The following WASHC2A variants were observed in gnomAD, a reference collection of about 807,000 sequenced individuals.
WASHC2A encodes the protein WASH complex subunit 2A, also known as WASH complex subunit FAM21A.
In WASHC2A, 82 loss-of-function variants were observed where a neutral mutation model predicts 140.3. That is an observed-to-expected ratio of 0.58 (90% CI 0.49 to 0.70). WASHC2A has a LOEUF of 0.70. Among genes scored for constraint, WASHC2A ranks in the 30% least tolerant of loss-of-function variants. WASHC2A has a pLI of 0.00. For missense variants in WASHC2A, 985 were observed against 1,521.8 expected, an observed-to-expected ratio of 0.65 and a Z score of 5.87; for synonymous variants, 340 against 560.8, an observed-to-expected ratio of 0.61 and a Z score of 5.56.
chr10:50,131,088 G>T lies in WASHC2A; in HGVS notation c.3886+10G>T. 1 of 1,611,904 alleles carries T rather than the reference G, an allele frequency of 6.2e-7. No homozygotes were observed. Among genetic ancestry groups the T allele is most frequent in the Non-Finnish European group, 8.5e-7 (1 of 1,179,828 alleles). The stretch of plus-strand genomic sequence containing the variant: ...TTTGATGATGATATGGGTAAGTTTG[G>T]TTTTCTACATCTGACCTAGAGAATT... On this transcript the variant is annotated intron_variant, in intron 30 of 30. Coordinates refer to ENST00000282633, the MANE Select transcript of WASHC2A (RefSeq NM_001005751.3).
intron 3 of WASHC2A, among the ~76,000 whole-genome samples, chr10:50,070,535 A>G (rs576617336): frequency 6.6e-6 from 1 of 151,984 alleles, no homozygotes; most frequent in South Asian, 2.1e-4. Flanking sequence ...TAAAAAGCCC[A>G]AGATTTAGAA....
chr10:50,131,374 A>T (rs1843949091), intron 30 of WASHC2A, among the ~76,000 whole-genome samples: 2 of 152,226 alleles, frequency 1.3e-5, no homozygotes, highest in African/African-American at 4.8e-5. Flanking sequence ...CCCCGGTGTT[A>T]TGAAAGGAGG....
In WASHC2A at chr10:50,119,783, A is replaced by G; in HGVS notation, c.2478+14A>G. Reference sequence around the variant, plus strand: ...GAAGTAGGAAAGGTAAGCAAAAAGCAATAGTGGTTCAAGTCTCTGGATGAG... The same window carrying G: ...GAAGTAGGAAAGGTAAGCAAAAAGCGATAGTGGTTCAAGTCTCTGGATGAG... On this transcript the variant is annotated intron_variant, in intron 23 of 30. Coordinates refer to ENST00000282633, the MANE Select transcript of WASHC2A (RefSeq NM_001005751.3). 1 of 1,607,728 alleles carries G rather than the reference A, an allele frequency of 6.2e-7. No individual in the cohort carries two copies. The highest frequency in any genetic ancestry group is 8.5e-7 in the Non-Finnish European group (1 of 1,179,802).
At chr10:50,108,905 A>G (rs1842020776) in intron 19 of WASHC2A, among the ~76,000 whole-genome samples, 1 of 151,172 alleles carries the variant, frequency 6.6e-6, no homozygotes, top group Non-Finnish European at 1.5e-5. Context: ...AAAAAAAAAA[A>G]AAAAAAAGAA....
In WASHC2A at chr10:50,127,288, A is replaced by G. The variant is rs1054368434; in HGVS notation, c.2874+66A>G. The G allele has an allele frequency of 6.0e-5, 97 of 1,611,598 alleles. No homozygotes were observed. In the African/African-American group the frequency reaches 1.2e-3, roughly 20 times the overall value. On this transcript the variant is annotated intron_variant, in intron 27 of 30. Transcript: ENST00000282633. ...ATCTATAAACTTTTTTGGGTTTCCT[A>G]CTTTTGTCAGCTGCTGCCAAGCATC...
rs1327150913 is a variant in WASHC2A at position 50,102,502 on chromosome 10, G to T, written c.1636-1540G>T. 1.9e-4 allele frequency among the ~76,000 whole-genome samples: 29 copies of T among 152,150 alleles called. No homozygotes were observed. In the East Asian group the frequency reaches 5.2e-3, roughly 27 times the overall value. On this transcript the variant is annotated intron_variant, in intron 17 of 30. Coordinates refer to ENST00000282633, the MANE Select transcript of WASHC2A (RefSeq NM_001005751.3). The stretch of plus-strand genomic sequence containing the variant: ...CCTTTCTCTTGCCATTGTGTAACAT[G>T]CAGGAGGGACACGGGATGCCTGGAA...
At chr10:50,076,554 A>G (rs550688641) in intron 3 of WASHC2A, among the ~76,000 whole-genome samples, 16 of 152,368 alleles carry the variant, frequency 1.1e-4, no homozygotes, top group Non-Finnish European at 2.2e-4. Context: ...GGTAAGGGGC[A>G]CTTGAGTATG....
intron 3 of WASHC2A, among the ~76,000 whole-genome samples, chr10:50,072,788 T>A (rs1173349422): frequency 6.6e-6 from 1 of 152,064 alleles, no homozygotes; most frequent in African/African-American, 2.4e-5. Flanking sequence ...TACCCGGCAA[T>A]CTGGCTTTTT....
At chr10:50,099,843 G>A (rs1412756681) in intron 16 of WASHC2A, 135 bp from the exon 17 acceptor site, 6 of 714,642 alleles carry the variant, frequency 8.4e-6, no homozygotes, top group African/African-American at 7.7e-5. Context: ...TCAGCTTGCT[G>A]CCTATCACAG....
At chr10:50,095,345 G>T in intron 14 of WASHC2A, 138 bp downstream of exon 14, 1 of 931,294 alleles carries the variant, frequency 1.1e-6, no homozygotes, top group Non-Finnish European at 1.6e-6. Flanking sequence ...CTTATAGAAA[G>T]AGCTCATTTA....
In WASHC2A at chr10:50,133,009, A is replaced by G. The variant is rs1213952358; in HGVS notation, c.*64A>G. 3.1e-6 allele frequency: 5 copies of G among 1,611,496 alleles called. No individual in the cohort carries two copies. The highest frequency in any genetic ancestry group is 4.2e-6 in the Non-Finnish European group (5 of 1,179,454). On this transcript the variant is annotated 3_prime_UTR_variant, in exon 31 of 31. Transcript: ENST00000282633. ...TGTTGAGTTAGTGATGATGTTGTATATGCTGATGGTCTTAACTGGATTACA... is the reference window on the plus strand; with the variant it reads ...TGTTGAGTTAGTGATGATGTTGTATGTGCTGATGGTCTTAACTGGATTACA...
rs1176919724 is a variant in WASHC2A, at chr10:50,079,880, G to T, written c.355-878G>T. On this transcript the variant is annotated intron_variant, in intron 4 of 30. Coordinates refer to ENST00000282633, the MANE Select transcript of WASHC2A (RefSeq NM_001005751.3). ...AGTACAATATTAGCTATTTAACTCA[G>T]AATCAAGCATATCCAAATAGAAAAA... Among the ~76,000 whole-genome samples the T allele has an allele frequency of 5.3e-5, 8 of 151,508 alleles. No individual in the cohort carries two copies. The South Asian group carries it at 1.7e-3, about 32-fold the overall frequency.
chr10:50,111,725 C>T (rs1162433005), intron 20 of WASHC2A, among the ~76,000 whole-genome samples: 2 of 152,202 alleles, frequency 1.3e-5, no homozygotes, highest in Admixed American at 1.3e-4. Context: ...AAGTGTAAGT[C>T]TTGTTTCATA....
At chr10:50,078,834 T>C in intron 4 of WASHC2A, 97 bp downstream of exon 4, 3 of 1,611,052 alleles carry the variant, frequency 1.9e-6, no homozygotes, top group African/African-American at 2.7e-5. Context: ...GTGGGCGGGG[T>C]TGGGAAAGGG....
chr10:50,087,203 T>G (rs1413907770), intron 7 of WASHC2A, 72 bp from the exon 8 acceptor site: 17 of 1,606,720 alleles, frequency 1.1e-5, no homozygotes, highest in Admixed American at 1.7e-5. Flanking sequence ...CCCCAGAGAC[T>G]TAGACCTGCA....
At chr10:50,094,982 G>A (rs576398136) in intron 13 of WASHC2A, among the ~76,000 whole-genome samples, 166 bp from the exon 14 acceptor site, 1 of 151,948 alleles carries the variant, frequency 6.6e-6, no homozygotes, top group African/African-American at 2.4e-5. Context: ...TCCTGACATC[G>A]GTAGAGAAGA....
At chr10:50,095,806 A>G (rs782529209) in intron 15 of WASHC2A, 28 bp downstream of exon 15, 65 of 1,580,526 alleles carry the variant, frequency 4.1e-5, no homozygotes, top group Non-Finnish European at 2.4e-5. Flanking sequence ...CGTTTCTAGG[A>G]CTTCAGCCAG....
chr10:50,111,708 C>T (rs1842301511), intron 20 of WASHC2A, among the ~76,000 whole-genome samples: 1 of 152,280 alleles, frequency 6.6e-6, no homozygotes, highest in East Asian at 1.9e-4. Context: ...CACCTTCTTT[C>T]AAAACTAAGT....
At position 50,129,934 on chromosome 10, in the gene WASHC2A, C is replaced by A; in HGVS notation, c.3603C>A (p.Leu1201=). 6.2e-7 allele frequency: 1 copy of A among 1,611,956 alleles called. No individual in the cohort carries two copies. Among genetic ancestry groups the A allele is most frequent in the African/African-American group, 1.3e-5 (1 of 74,964 alleles). ...CAAAGAAAACAAATCCCTTTCCTCT[C>A]CTGGAAGATGAGGATGACCTCTTTA... ...KPAKKTNPFP[L]LEDEDDLFTD... The change falls in exon 29 of 31, where the codon CTC becomes CTA. Residue 1201 remains leucine (L), a synonymous_variant. Transcript: ENST00000282633.
Sources: allele counts gnomAD v4.1 joint callset (sites outside exome capture counted in the v4.1 genomes callset), GRCh38; gene constraint gnomAD v4.1.1; transcripts MANE v1.5; gene names NCBI Gene and HGNC (gene_info 2026-07-23, HGNC 2026-07-21).